The following HTR1F variants were observed in gnomAD, a reference collection of about 807,000 sequenced individuals.
HTR1F encodes 5-hydroxytryptamine (serotonin) receptor 1F, G protein-coupled.
In HTR1F, 17 loss-of-function variants were observed where a neutral mutation model predicts 24.0. The ratio of observed to expected loss-of-function variants is 0.71; its 90% CI spans 0.48 to 1.06. The LOEUF is 1.06. HTR1F is among the 50% of genes least tolerant of loss of function. The pLI, the probability that HTR1F is intolerant of heterozygous loss-of-function variation, is 0.00. For missense variants in HTR1F, 391 were observed against 427.8 expected, an observed-to-expected ratio of 0.91 and a Z score of 0.76; for synonymous variants, 186 against 156.8, an observed-to-expected ratio of 1.19 and a Z score of -1.39.
At chr3:87,894,568 T>C (rs1356817604) in intron 2 of HTR1F, among the ~76,000 whole-genome samples, 1 of 141,174 alleles carries the variant, frequency 7.1e-6, no homozygotes, top group African/African-American at 2.7e-5. Flanking sequence ...TCTTTTTTTT[T>C]TTTTTTTTTT....
chr3:87,862,004 G>A (rs1705329734), intron 2 of HTR1F, among the ~76,000 whole-genome samples: 1 of 151,978 alleles, frequency 6.6e-6, no homozygotes, highest in South Asian at 2.1e-4. Context: ...ACAATCAAAT[G>A]TTATAACTTT....
chr3:87,925,703 ATCT>A (rs1704109815), intron 2 of HTR1F, among the ~76,000 whole-genome samples: 1 of 152,030 alleles, frequency 6.6e-6, no homozygotes, highest in South Asian at 2.1e-4. Flanking sequence ...GACTCCAGGG[ATCT>A]TCTTATATGG....
At chr3:87,812,631 A>T (rs1184843206) in intron 1 of HTR1F, among the ~76,000 whole-genome samples, 2 of 152,210 alleles carry the variant, frequency 1.3e-5, no homozygotes, top group Non-Finnish European at 2.9e-5. Context: ...AATGTTAATC[A>T]CCAAGACAAT....
At chr3:87,976,927 G>A (rs1705407509) in intron 2 of HTR1F, among the ~76,000 whole-genome samples, 1 of 152,154 alleles carries the variant, frequency 6.6e-6, no homozygotes, top group South Asian at 2.1e-4. Context: ...ATTACTCAAG[G>A]AGAGGGAAGG....
chr3:87,873,481 GT>G (rs1363950383), intron 2 of HTR1F, among the ~76,000 whole-genome samples: 2 of 152,224 alleles, frequency 1.3e-5, no homozygotes, highest in East Asian at 3.9e-4. Context: ...AAGATATAAT[GT>G]ATTAGATGAT....
At chr3:87,937,643 G>A (rs1316980845) in intron 2 of HTR1F, among the ~76,000 whole-genome samples, 1 of 152,124 alleles carries the variant, frequency 6.6e-6, no homozygotes, top group Non-Finnish European at 1.5e-5. Flanking sequence ...AAGAAATAGG[G>A]CCAGGCGCAG....
intron 2 of HTR1F, among the ~76,000 whole-genome samples, chr3:87,947,984 A>C (rs1306241192): frequency 6.6e-6 from 1 of 152,044 alleles, no homozygotes; most frequent in Non-Finnish European, 1.5e-5. Flanking sequence ...GTATTAAACC[A>C]CTCATATGTA....
chr3:87,945,631 C>A (rs1221499291), intron 2 of HTR1F, among the ~76,000 whole-genome samples: 1 of 152,078 alleles, frequency 6.6e-6, no homozygotes, highest in African/African-American at 2.4e-5. Flanking sequence ...GAAGCTGGTT[C>A]TAGGCAGATG....
chr3:87,942,748 T>G (rs1316613090), intron 2 of HTR1F, among the ~76,000 whole-genome samples: 1 of 150,824 alleles, frequency 6.6e-6, no homozygotes, highest in African/African-American at 2.5e-5. Flanking sequence ...CCTTTTTTTT[T>G]TTTATCCTGT....
At chr3:87,958,853 T>C (rs543025588) in intron 2 of HTR1F, among the ~76,000 whole-genome samples, 15 of 151,666 alleles carry the variant, frequency 9.9e-5, no homozygotes, top group Admixed American at 2.6e-4. Context: ...CTTTTTACTT[T>C]ATATTTCCTC....
chr3:87,805,429 T>C (rs1201188371), intron 1 of HTR1F, among the ~76,000 whole-genome samples: 3 of 152,146 alleles, frequency 2.0e-5, no homozygotes, highest in Non-Finnish European at 4.4e-5. Context: ...GTTTTATAAC[T>C]GACTTCCTAT....
In HTR1F at chr3:87,991,881, G is replaced by A; in HGVS notation, c.*31G>A. On this transcript the variant is annotated 3_prime_UTR_variant, in exon 3 of 3. Transcript: ENST00000319595. ...AAAATGTTTATTATTGAAGGATGGGGGTTTTTGAGGGGAGGAATAACTAGA... is the reference window on the plus strand; with the variant it reads ...AAAATGTTTATTATTGAAGGATGGGAGTTTTTGAGGGGAGGAATAACTAGA... The A allele has an allele frequency of 1.3e-6, 2 of 1,505,930 alleles. No homozygotes were observed. The highest frequency in any genetic ancestry group is 1.8e-6 in the Non-Finnish European group (2 of 1,128,048). The allele number at this position is 1,505,930 out of a possible 1,614,324, so 93.3% of individuals were successfully genotyped here.
intron 2 of HTR1F, among the ~76,000 whole-genome samples, chr3:87,979,200 G>A (rs1347448592): frequency 6.6e-6 from 1 of 151,712 alleles, no homozygotes; most frequent in South Asian, 2.1e-4. Flanking sequence ...GTCAGGGACT[G>A]AAGTCAGTCC....
chr3:87,988,764 A>T (rs1333513467), intron 2 of HTR1F, among the ~76,000 whole-genome samples: 2 of 150,540 alleles, frequency 1.3e-5, no homozygotes, highest in Non-Finnish European at 3.0e-5. Context: ...TTTTTAGTAG[A>T]GACAGGGTTT....
At chr3:87,841,426 T>G (rs539690383) in intron 2 of HTR1F, among the ~76,000 whole-genome samples, 207 of 152,074 alleles carry the variant, frequency 1.4e-3, no homozygotes, top group African/African-American at 4.8e-3. Context: ...ACGATTGCAT[T>G]ATATGTTTAA....
intron 2 of HTR1F, among the ~76,000 whole-genome samples, chr3:87,956,682 A>G (rs1163255654): frequency 6.6e-6 from 1 of 151,334 alleles, no homozygotes; most frequent in African/African-American, 2.4e-5. Context: ...TAATTTTCAG[A>G]GCAGATGGTT....
chr3:87,810,142 A>T (rs574032409), intron 1 of HTR1F, among the ~76,000 whole-genome samples: 70 of 151,778 alleles, frequency 4.6e-4, no homozygotes, highest in South Asian at 3.3e-3. Context: ...CTTCTTTTGG[A>T]GAAAATATAT....
chr3:87,831,487 T>C (rs1394667797), intron 2 of HTR1F, among the ~76,000 whole-genome samples: 2 of 151,594 alleles, frequency 1.3e-5, no homozygotes, highest in Non-Finnish European at 2.9e-5. Flanking sequence ...CTCAGCCTCC[T>C]GAGTAGCTGG....
chr3:87,888,469 AAAAAT>A (rs961611900), intron 2 of HTR1F, among the ~76,000 whole-genome samples: 53 of 152,236 alleles, frequency 3.5e-4, no homozygotes, highest in African/African-American at 1.1e-3. Context: ...AAGTATAATA[AAAAAT>A]AAAATAAAAT....
Sources: allele counts gnomAD v4.1 joint callset (sites outside exome capture counted in the v4.1 genomes callset), GRCh38; gene constraint gnomAD v4.1.1; transcripts MANE v1.5; gene names NCBI Gene and HGNC (gene_info 2026-07-23, HGNC 2026-07-21).